Variants in BIRC6 observed in about 807,000 individuals in gnomAD.
The protein encoded by BIRC6 is dual E2 ubiquitin-conjugating enzyme/E3 ubiquitin-protein ligase BIRC6.
A neutral mutation model predicts 503.3 loss-of-function variants in BIRC6; 98 were observed. That is an observed-to-expected ratio of 0.19 (90% CI 0.17 to 0.23). The LOEUF (loss-of-function observed/expected upper bound fraction) is 0.23. BIRC6 is among the 10% of genes least tolerant of loss of function. The pLI is 1.00. For synonymous variants in BIRC6, 2,240 were observed against 2,078.7 expected (o/e 1.08, Z -2.11); for missense variants, 5,360 against 5,806.0 (o/e 0.92, Z 2.50).
In BIRC6 at chr2:32,594,065, A is replaced by T; in HGVS notation, c.13501+5A>T. 6.2e-7 allele frequency: 1 copy of T among 1,602,720 alleles called. No homozygotes were observed. Among genetic ancestry groups the T allele is most frequent in the East Asian group, 2.2e-5 (1 of 44,664 alleles). On this transcript the variant is annotated splice_donor_5th_base_variant and intron_variant, in intron 67 of 73. Coordinates refer to ENST00000421745, the MANE Select transcript of BIRC6 (RefSeq NM_016252.4). ...GTTTGCGGCAAGCAAATCAGGGTAC[A>T]AAACTTTTCCTATTATGCCACTTTT...
chr2:32,365,606 AC>A (rs941056931), intron 1 of BIRC6, among the ~76,000 whole-genome samples: 15 of 152,170 alleles, frequency 9.9e-5, no homozygotes, highest in Non-Finnish European at 1.5e-4. Context: ...AGTGTGAGCC[AC>A]CGTGCCCGGT....
At chr2:32,574,364 C>T (rs2060120976) in intron 65 of BIRC6, among the ~76,000 whole-genome samples, 1 of 151,918 alleles carries the variant, frequency 6.6e-6, no homozygotes. Context: ...GTGATCCTCC[C>T]ACCTTGGCCT....
intron 3 of BIRC6, 21 bp downstream of exon 3, chr2:32,380,311 C>T (rs1276920290): frequency 6.3e-7 from 1 of 1,575,598 alleles, no homozygotes; most frequent in African/African-American, 1.4e-5. Flanking sequence ...AATAGATTGC[C>T]TCTTTTGGGG....
chr2:32,538,059 A>G (rs1572888462), intron 61 of BIRC6, among the ~76,000 whole-genome samples: 1 of 152,194 alleles, frequency 6.6e-6, no homozygotes, highest in African/African-American at 2.4e-5. Flanking sequence ...ACACAATATT[A>G]ATAGAATCAA....
At chr2:32,496,624 A>G (rs1328908945) in intron 45 of BIRC6, among the ~76,000 whole-genome samples, 1 of 152,288 alleles carries the variant, frequency 6.6e-6, no homozygotes, top group Non-Finnish European at 1.5e-5. Context: ...TTTGAAATTT[A>G]GTAGTGTAGG....
intron 51 of BIRC6, among the ~76,000 whole-genome samples, chr2:32,508,903 C>T (rs773364427): frequency 4.0e-5 from 6 of 151,776 alleles, no homozygotes; most frequent in Non-Finnish European, 8.8e-5. Context: ...GCTAACAGGG[C>T]GAAACCCCAT....
chr2:32,369,098 G>A (rs1415100129), intron 1 of BIRC6, among the ~76,000 whole-genome samples: 2 of 152,202 alleles, frequency 1.3e-5, no homozygotes, highest in African/African-American at 4.8e-5. Flanking sequence ...AGATCTGCAT[G>A]ATGCAAGATA....
At chr2:32,474,889 C>T (rs1197500705) in intron 33 of BIRC6, among the ~76,000 whole-genome samples, 1 of 151,876 alleles carries the variant, frequency 6.6e-6, no homozygotes, top group Non-Finnish European at 1.5e-5. Context: ...GAGATAACAG[C>T]CAAGTGGATT....
At position 32,415,796 on chromosome 2, in the gene BIRC6, G is replaced by A. The variant is rs2042318364; in HGVS notation, c.2505G>A (p.Arg835=). 3 of 1,613,718 alleles carry A rather than the reference G, an allele frequency of 1.9e-6. No homozygotes were observed. The highest frequency in any genetic ancestry group is 1.7e-5 in the Admixed American group (1 of 60,000). Residue 835 remains arginine, a synonymous_variant, in exon 10 of 74, where the codon CGG becomes CGA. Coordinates refer to ENST00000421745, the MANE Select transcript of BIRC6 (RefSeq NM_016252.4). ...TTTATAAAATGAATTATGCCACTCG[G>A]ATAGTGACTTTAGAAGAGGAGCCAA... The part of the protein sequence containing the change: ...LVLYKMNYAT[R]IVTLEEEPIK...
At chr2:32,558,354 G>A (rs2058929846) in intron 65 of BIRC6, among the ~76,000 whole-genome samples, 1 of 152,128 alleles carries the variant, frequency 6.6e-6, no homozygotes, top group African/African-American at 2.4e-5. Context: ...ATACAATTCG[G>A]TAAGTTTAGA....
intron 61 of BIRC6, among the ~76,000 whole-genome samples, chr2:32,540,841 T>G (rs2057608964): frequency 1.3e-5 from 2 of 151,998 alleles, no homozygotes; most frequent in African/African-American, 4.8e-5. Context: ...ACTAGCATTT[T>G]TATTTCCAGT....
intron 54 of BIRC6, among the ~76,000 whole-genome samples, chr2:32,513,496 G>T (rs1183289192): frequency 1.3e-5 from 2 of 152,164 alleles, no homozygotes; most frequent in African/African-American, 4.8e-5. Flanking sequence ...AACTTTGGGG[G>T]TGGGCATGGT....
intron 65 of BIRC6, among the ~76,000 whole-genome samples, chr2:32,570,127 A>G (rs146555558): frequency 2.6e-5 from 4 of 152,016 alleles, no homozygotes; most frequent in Non-Finnish European, 4.4e-5. Context: ...ATTTATATCA[A>G]TTTTATCACA....
In BIRC6 at chr2:32,515,424, A is replaced by G. The variant is rs557598271; in HGVS notation, c.11003A>G (p.His3668Arg). 2.5e-6 allele frequency: 4 copies of G among 1,613,086 alleles called. No homozygotes were observed. The highest frequency in any genetic ancestry group is 1.7e-5 in the Admixed American group (1 of 60,016). Residue 3668 changes from histidine to arginine, a missense_variant, in exon 55 of 74, where the codon CAT (histidine) becomes CGT (arginine). His to Arg is a conservative substitution (Grantham distance 29, BLOSUM62 0). Transcript: ENST00000421745. ...TCCCAGGACAAACTCAGGCGCCATC[A>G]TGTCCCACAACAATGTAATAAGATG... ...DISQDKLRRHHVPQQCNKMPI... is the reference protein window; with the variant it reads ...DISQDKLRRHRVPQQCNKMPI...
At chr2:32,549,585 C>A in intron 65 of BIRC6, 104 bp downstream of exon 65, 2 of 1,057,666 alleles carry the variant, frequency 1.9e-6, no homozygotes, top group Non-Finnish European at 2.5e-6. Context: ...GGATTTATTT[C>A]CTAAAAAGTA....
intron 65 of BIRC6, among the ~76,000 whole-genome samples, chr2:32,568,490 G>A (rs1364357115): frequency 9.9e-5 from 4 of 40,378 alleles, no homozygotes; most frequent in Admixed American, 3.2e-4. Flanking sequence ...AGACCTTGGC[G>A]CAAAAAAAAA....
chr2:32,473,562 A>G (rs1036516502), intron 33 of BIRC6, among the ~76,000 whole-genome samples: 1 of 151,820 alleles, frequency 6.6e-6, no homozygotes, highest in African/African-American at 2.4e-5. Flanking sequence ...ATTTTCCTTC[A>G]TGTAATTCTC....
chr2:32,468,831 T>G (rs1467678041), intron 29 of BIRC6, 48 bp downstream of exon 29: 8 of 1,344,046 alleles, frequency 6.0e-6, no homozygotes, highest in Non-Finnish European at 8.1e-6. Context: ...ATACTTGATG[T>G]GATTTCGCTG....
intron 32 of BIRC6, 92 bp downstream of exon 32, chr2:32,471,216 T>C: frequency 6.7e-7 from 1 of 1,488,876 alleles, no homozygotes; most frequent in Non-Finnish European, 9.1e-7. Flanking sequence ...GTTCCAGAAC[T>C]GGCTATTGGC....
Sources: allele counts gnomAD v4.1 joint callset (sites outside exome capture counted in the v4.1 genomes callset), GRCh38; gene constraint gnomAD v4.1.1; transcripts MANE v1.5; gene names NCBI Gene and HGNC (gene_info 2026-07-23, HGNC 2026-07-21).